POLH: variants seen among roughly 807,000 people sequenced by gnomAD.
POLH encodes DNA polymerase eta transcript.
Under a neutral mutation model 73.6 loss-of-function variants are expected in POLH, and 53 were observed. The observed-to-expected ratio is 0.72, with a 90% CI of 0.58 to 0.91. The LOEUF is 0.91. Among genes scored for constraint, POLH ranks in the 40% least tolerant of loss-of-function variants. POLH has a pLI of 0.00. For synonymous variants in POLH, 292 were observed against 308.5 expected (o/e 0.95, Z 0.56); for missense variants, 768 against 865.4 (o/e 0.89, Z 1.41).
intron 4 of POLH, among the ~76,000 whole-genome samples, chr6:43,593,610 A>C (rs954568502): frequency 2.1e-4 from 32 of 152,226 alleles, no homozygotes; most frequent in African/African-American, 7.5e-4. Context: ...GGCTGGGCAC[A>C]GTGGCTCACG....
chr6:43,587,305 A>G lies in POLH; in HGVS notation c.306A>G (p.Ile102Met). Residue 102 changes from isoleucine to methionine, a missense_variant, in exon 4 of 11, where the codon ATA becomes ATG. Physicochemically the swap from Ile to Met is conservative, Grantham distance 10 (BLOSUM62 1). Coordinates refer to ENST00000372236, the MANE Select transcript of POLH (RefSeq NM_006502.3). The part of the protein sequence containing the change: ...YREASVEVME[I>M]MSRFAVIERA... ...AAGCCAGTGTTGAAGTGATGGAGAT[A>G]ATGTCTCGTTTTGCTGTGATTGAAC... 1 of 1,614,130 alleles carries G rather than the reference A, an allele frequency of 6.2e-7. No homozygotes were observed. The highest frequency in any genetic ancestry group is 8.5e-7 in the Non-Finnish European group (1 of 1,179,966).
At position 43,579,439 on chromosome 6, in the gene POLH, G is replaced by A. The variant is rs1763763325; in HGVS notation, c.-4-2877G>A. On this transcript the variant is annotated intron_variant, in intron 1 of 10. Coordinates refer to ENST00000372236, the MANE Select transcript of POLH (RefSeq NM_006502.3). ...GAAGTTTCCATAAAAGGCCCAAGAG[G>A]AGAGGGTTCGAAGAGCTGCTGGATA... Among the ~76,000 whole-genome samples the A allele has an allele frequency of 1.3e-5, 2 of 152,210 alleles. 1 individual carries two copies. The highest frequency in any genetic ancestry group is 4.1e-4 in the South Asian group (2 of 4,830).
At chr6:43,577,900 C>T (rs899240279) in intron 1 of POLH, among the ~76,000 whole-genome samples, 9 of 150,954 alleles carry the variant, frequency 6.0e-5, no homozygotes, top group Admixed American at 4.6e-4. Flanking sequence ...CTGGCTAACA[C>T]GGTGAAACCC....
At position 43,617,180 on chromosome 6, in the gene POLH, T is replaced by C. The variant is rs896550530; in HGVS notation, c.*2623T>C. 6.6e-6 allele frequency among the ~76,000 whole-genome samples: 1 copy of C among 151,884 alleles called. No individual in the cohort carries two copies. The highest frequency in any genetic ancestry group is 6.6e-5 in the Admixed American group (1 of 15,244). ...TCCAGCCTGGGCGATAGAGTAACTC[T>C]GTCTCAAAAAAACCCACTAGATCAT... On this transcript the variant is annotated 3_prime_UTR_variant, in exon 11 of 11. Coordinates refer to ENST00000372236, the MANE Select transcript of POLH (RefSeq NM_006502.3).
chr6:43,615,773 A>G lies in POLH; in HGVS notation c.*1216A>G, dbSNP rs1041774237. ...CCGCAACCTCCGTCTCCTGGGTTCA[A>G]GCAATTCTCCTGCCTCAGCCTCCCA... On this transcript the variant is annotated 3_prime_UTR_variant, in exon 11 of 11. Coordinates refer to ENST00000372236, the MANE Select transcript of POLH (RefSeq NM_006502.3). 2 of 151,754 alleles carry G rather than the reference A, an allele frequency of 1.3e-5. No homozygotes were observed. Among genetic ancestry groups the G allele is most frequent in the Non-Finnish European group, 2.9e-5 (2 of 68,006 alleles). The allele number at this position is 151,754 out of a possible 1,614,324, so 9.4% of individuals were successfully genotyped here.
intron 8 of POLH, 41 bp from the exon 9 acceptor site, chr6:43,605,213 G>T: frequency 8.6e-7 from 1 of 1,159,980 alleles, no homozygotes; most frequent in South Asian, 1.2e-5. Flanking sequence ...AATAGACTTC[G>T]AGTGTTTAAA....
intron 6 of POLH, among the ~76,000 whole-genome samples, chr6:43,603,294 T>C (rs1404363297): frequency 6.6e-6 from 1 of 151,992 alleles, no homozygotes; most frequent in Non-Finnish European, 1.5e-5. Context: ...ACCTGACTAA[T>C]TTTTTTGTAT....
In POLH at chr6:43,601,098, A is replaced by C; in HGVS notation, c.764+7A>C. ...AAATGCCCATTCGCAAAATGTAAGT[A>C]TTCAGGCAGCATGTTAAATTTCACT... On this transcript the variant is annotated splice_region_variant and intron_variant, in intron 6 of 10. Transcript: ENST00000372236. 1 of 1,570,546 alleles carries C rather than the reference A, an allele frequency of 6.4e-7. No individual in the cohort carries two copies. Among genetic ancestry groups the C allele is most frequent in the South Asian group, 1.1e-5 (1 of 90,196 alleles).
Position 43,620,439 on chromosome 6 carries a change from G to T in POLH, c.*5882G>T. The T allele has an allele frequency of 2.5e-6, 1 of 393,112 alleles. No individual in the cohort carries two copies. The highest frequency in any genetic ancestry group is 2.1e-5 in the African/African-American group (1 of 47,798). The allele number at this position is 393,112 out of a possible 1,614,324, so 24.4% of individuals were successfully genotyped here. ...TTTCACTTGTCTCTAATCCTGAAGA[G>T]GTATCTAGCCCTGGAAGGAAGCTGA... On this transcript the variant is annotated 3_prime_UTR_variant, in exon 11 of 11. Coordinates refer to ENST00000372236, the MANE Select transcript of POLH (RefSeq NM_006502.3).
intron 1 of POLH, among the ~76,000 whole-genome samples, chr6:43,581,829 A>G (rs960052244): frequency 2.0e-5 from 3 of 150,842 alleles, no homozygotes; most frequent in African/African-American, 7.3e-5. Context: ...CCATGGCCGG[A>G]CGGGCTCCCT....
chr6:43,583,663 C>T (rs144361989), intron 3 of POLH, among the ~76,000 whole-genome samples: 1 of 152,288 alleles, frequency 6.6e-6, no homozygotes, highest in Non-Finnish European at 1.5e-5. Flanking sequence ...TAGGCACAAA[C>T]CCCAGCCTTT....
intron 10 of POLH, among the ~76,000 whole-genome samples, chr6:43,611,121 T>A (rs1767842208): frequency 6.6e-6 from 1 of 152,160 alleles, no homozygotes; most frequent in Non-Finnish European, 1.5e-5. Flanking sequence ...TACCAGTACC[T>A]GTTACTCTGG....
chr6:43,587,098 A>G (rs531772778), intron 3 of POLH, among the ~76,000 whole-genome samples, 174 bp from the exon 4 acceptor site: 1 of 152,176 alleles, frequency 6.6e-6, no homozygotes, highest in African/African-American at 2.4e-5. Context: ...TGCTTCTATT[A>G]TTGACCATCT....
chr6:43,587,525 C>T (rs1764963504), intron 4 of POLH, 36 bp downstream of exon 4: 1 of 1,397,998 alleles, frequency 7.2e-7, no homozygotes, highest in Non-Finnish European at 1.0e-6. Flanking sequence ...CTGCTTCCTG[C>T]CTTTGGAACC....
chr6:43,583,176 G>A, intron 3 of POLH, 35 bp downstream of exon 3: 1 of 1,600,530 alleles, frequency 6.2e-7, no homozygotes, highest in Non-Finnish European at 8.6e-7. Flanking sequence ...AGACATAAAG[G>A]AGTCGAAAAT....
In POLH at chr6:43,614,168, G is replaced by A; in HGVS notation, c.1753G>A (p.Glu585Lys). The A allele has an allele frequency of 6.2e-7, 1 of 1,614,206 alleles. No homozygotes were observed. The highest frequency in any genetic ancestry group is 2.2e-5 in the East Asian group (1 of 44,892). The change falls in exon 11 of 11, where the codon GAA becomes AAA. Residue 585 changes from glutamate (E) to lysine (K), a missense_variant. Physicochemically the swap from Glu to Lys is moderately conservative, Grantham distance 56. Transcript: ENST00000372236. ...VPVCEGVSKL[E>K]ESSKATPAEM... ...TGTTTGTGAAGGGGTGTCGAAGCTA[G>A]AAGAATCCTCTAAAGCAACTCCTGC...
intron 4 of POLH, among the ~76,000 whole-genome samples, chr6:43,590,283 G>T (rs1440223943): frequency 6.6e-6 from 1 of 151,492 alleles, no homozygotes; most frequent in Non-Finnish European, 1.5e-5. Context: ...CCTTAAACCC[G>T]GAAGGAGGAG....
At chr6:43,580,322 C>CA (rs1397763656) in intron 1 of POLH, among the ~76,000 whole-genome samples, 2 of 143,454 alleles carry the variant, frequency 1.4e-5, no homozygotes, top group East Asian at 4.1e-4. Context: ...TCTACACAGA[C>CA]ACGGCAACCA....
chr6:43,616,236 C>T lies in POLH; in HGVS notation c.*1679C>T, dbSNP rs113292021. On this transcript the variant is annotated 3_prime_UTR_variant, in exon 11 of 11. Transcript: ENST00000372236. ...CGGAGCTTGCAGTGAGCCGAGAGCG[C>T]GCCACTGCACTCCAGCCTGGGTGAC... 0.021 allele frequency among the ~76,000 whole-genome samples: 3,070 copies of T among 148,900 alleles called. 50 individuals carry two copies. The highest frequency in any genetic ancestry group is 0.034 in the Non-Finnish European group (2,260 of 67,348).
Sources: allele counts gnomAD v4.1 joint callset (sites outside exome capture counted in the v4.1 genomes callset), GRCh38; gene constraint gnomAD v4.1.1; transcripts MANE v1.5; gene names NCBI Gene and HGNC (gene_info 2026-07-23, HGNC 2026-07-21).